Variants in GREB1L observed in about 807,000 individuals in gnomAD.
GREB1L encodes GREB1-like protein.
A neutral mutation model predicts 200.8 loss-of-function variants in GREB1L; 17 were observed. The observed-to-expected ratio is 0.08, with a 90% CI of 0.06 to 0.13. The LOEUF (loss-of-function observed/expected upper bound fraction) is 0.13. Among genes scored for constraint, GREB1L ranks in the 10% least tolerant of loss-of-function variants. The pLI is 1.00. For missense variants in GREB1L, 1,657 were observed against 2,367.7 expected (o/e 0.70, Z 6.23); for synonymous variants, 789 against 893.0 (o/e 0.88, Z 2.08).
chr18:21,500,799 C>T (rs1298001471), intron 23 of GREB1L, among the ~76,000 whole-genome samples, 157 bp downstream of exon 23: 1 of 152,184 alleles, frequency 6.6e-6, no homozygotes, highest in Non-Finnish European at 1.5e-5. Context: ...CCAGGCATGG[C>T]GGCTCACGCC....
chr18:21,444,197 T>G, intron 10 of GREB1L, 27 bp from the exon 11 acceptor site: 2 of 1,497,368 alleles, frequency 1.3e-6, no homozygotes, highest in Non-Finnish European at 1.8e-6. Flanking sequence ...AATGTTGAAC[T>G]GTACTGACCT....
chr18:21,447,891 C>T (rs771785282), intron 11 of GREB1L, among the ~76,000 whole-genome samples: 2 of 151,922 alleles, frequency 1.3e-5, no homozygotes, highest in Non-Finnish European at 2.9e-5. Flanking sequence ...AGGCCAGGCA[C>T]GGTGGCTCAC....
chr18:21,506,034 G>T, intron 25 of GREB1L, 85 bp downstream of exon 25: 1 of 1,354,668 alleles, frequency 7.4e-7, no homozygotes, highest in Non-Finnish European at 9.8e-7. Flanking sequence ...TGAAAAATAA[G>T]GCCCCTAGTT....
chr18:21,416,613 G>C (rs968483910), intron 7 of GREB1L, among the ~76,000 whole-genome samples: 1 of 150,312 alleles, frequency 6.7e-6, no homozygotes. Flanking sequence ...AGAATGGCGT[G>C]AACCCGGGAG....
intron 1 of GREB1L, among the ~76,000 whole-genome samples, chr18:21,299,988 T>TA (rs918002693): frequency 1.1e-4 from 16 of 151,722 alleles, no homozygotes; most frequent in African/African-American, 2.9e-4. Flanking sequence ...ATCAACGCTT[T>TA]AAAAAAAAAT....
chr18:21,472,424 A>T (rs2035518408), intron 15 of GREB1L, among the ~76,000 whole-genome samples: 1 of 152,246 alleles, frequency 6.6e-6, no homozygotes, highest in Non-Finnish European at 1.5e-5. Flanking sequence ...AGAATATAGC[A>T]GTCATGACTA....
At chr18:21,329,611 G>A (rs1254483542) in intron 1 of GREB1L, among the ~76,000 whole-genome samples, 2 of 152,044 alleles carry the variant, frequency 1.3e-5, no homozygotes. Context: ...ACCTGGCTTT[G>A]AGCAGCATTA....
intron 2 of GREB1L, among the ~76,000 whole-genome samples, chr18:21,366,655 G>T (rs2039690879): frequency 8.1e-6 from 1 of 123,074 alleles, no homozygotes; most frequent in African/African-American, 3.3e-5. Context: ...TCAGATGCTT[G>T]CTTAGAATTG....
At chr18:21,491,031 A>G (rs1218967403) in intron 19 of GREB1L, among the ~76,000 whole-genome samples, 1 of 152,130 alleles carries the variant, frequency 6.6e-6, no homozygotes. Context: ...CCTGTCAAGC[A>G]TCAGGGTGGG....
intron 10 of GREB1L, among the ~76,000 whole-genome samples, chr18:21,443,034 G>A (rs546113930): frequency 1.8e-3 from 275 of 151,524 alleles, no homozygotes; most frequent in Non-Finnish European, 2.6e-3. Context: ...CTCCTGAGTA[G>A]CTGAGATTAC....
chr18:21,365,305 T>C (rs2039652684), intron 1 of GREB1L, among the ~76,000 whole-genome samples: 1 of 152,182 alleles, frequency 6.6e-6, no homozygotes, highest in East Asian at 1.9e-4. Context: ...TTCTATGTTA[T>C]CTATAAAAAT....
At chr18:21,301,010 T>C (rs1174990732) in intron 1 of GREB1L, among the ~76,000 whole-genome samples, 3 of 152,230 alleles carry the variant, frequency 2.0e-5, no homozygotes, top group Admixed American at 6.5e-5. Flanking sequence ...GTGATGTTTA[T>C]CTCTGAGGTA....
At position 21,525,588 on chromosome 18, in the gene GREB1L, A is replaced by AGAT. The variant is rs531457267; in HGVS notation, c.*2768_*2770dup. Among the ~76,000 whole-genome samples the AGAT allele has an allele frequency of 2.0e-5, 3 of 152,340 alleles. No individual in the cohort carries two copies. Among genetic ancestry groups the AGAT allele is most frequent in the East Asian group, 3.9e-4 (2 of 5,190 alleles). ...AGTAGATACCAATCTTTTATTTGAC[A>AGAT]GATTGCAACTACACTCACTTTGATG... On this transcript the variant is annotated 3_prime_UTR_variant, in exon 33 of 33. Coordinates refer to ENST00000424526, the MANE Select transcript of GREB1L (RefSeq NM_001142966.3).
At chr18:21,261,767 C>G (rs1393852438) in intron 1 of GREB1L, among the ~76,000 whole-genome samples, 1 of 152,034 alleles carries the variant, frequency 6.6e-6, no homozygotes, top group East Asian at 1.9e-4. Context: ...TTTACTTAAG[C>G]CACATAAATG....
intron 11 of GREB1L, among the ~76,000 whole-genome samples, chr18:21,447,160 T>A (rs1163912470): frequency 6.6e-6 from 1 of 152,022 alleles, no homozygotes; most frequent in African/African-American, 2.4e-5. Flanking sequence ...TGGCTCACGC[T>A]TGTAATCTCA....
chr18:21,370,907 G>A (rs986812194), intron 2 of GREB1L, among the ~76,000 whole-genome samples: 5 of 151,574 alleles, frequency 3.3e-5, no homozygotes, highest in South Asian at 2.1e-4. Context: ...GTAAAATCCC[G>A]TCTCTACAAA....
chr18:21,443,406 A>G (rs2034022618), intron 10 of GREB1L, among the ~76,000 whole-genome samples: 1 of 145,224 alleles, frequency 6.9e-6, no homozygotes, highest in Non-Finnish European at 1.5e-5. Flanking sequence ...TAAAGGTGAA[A>G]ATGTTGGCCA....
intron 1 of GREB1L, among the ~76,000 whole-genome samples, chr18:21,301,197 G>C (rs2038611899): frequency 6.6e-6 from 1 of 152,194 alleles, no homozygotes; most frequent in South Asian, 2.1e-4. Context: ...GCTTCTTAAA[G>C]GGATTTTGAG....
chr18:21,468,797 A>G, intron 15 of GREB1L: 1 of 456,624 alleles, frequency 2.2e-6, no homozygotes, highest in Non-Finnish European at 4.4e-6. Flanking sequence ...ACATTTCTTC[A>G]GTCTTTCCTG....
Sources: gnomAD v4.1 joint callset for allele counts (sites outside exome capture counted in the v4.1 genomes callset) on GRCh38, gnomAD v4.1.1 for gene constraint, MANE v1.5 for transcripts, NCBI Gene and HGNC (gene_info 2026-07-23, HGNC 2026-07-21) for gene names.